Variants in GYPB observed in about 807,000 individuals in gnomAD.
GYPB encodes glycophorin B (MNS blood group), also known as glycophorin-B.
A neutral mutation model predicts 15.3 loss-of-function variants in GYPB; 13 were observed. That is an observed-to-expected ratio of 0.85 (90% CI 0.55 to 1.35). The LOEUF is 1.35. Ranked by LOEUF, GYPB falls within the 40% of genes most tolerant of loss-of-function variation. The pLI is 0.00. For synonymous variants in GYPB, 38 were observed against 36.9 expected (o/e 1.03, Z -0.11); for missense variants, 131 against 108.3 (o/e 1.21, Z -0.93).
intron 1 of GYPB, among the ~76,000 whole-genome samples, chr4:144,012,028 C>T (rs1373794554): frequency 6.6e-6 from 1 of 152,038 alleles, no homozygotes; most frequent in Admixed American, 6.5e-5. Flanking sequence ...TAAGTGATAA[C>T]ATCAAAAGGA....
chr4:144,009,601 CTTTTTTTTTTTTTT>C (rs55807150), intron 1 of GYPB, among the ~76,000 whole-genome samples: 1 of 57,782 alleles, frequency 1.7e-5, no homozygotes, highest in African/African-American at 8.1e-5. Context: ...TTTTTTCTTT[CTTTTTTTTTTTTTT>C]TTTTTTTTTT....
intron 1 of GYPB, among the ~76,000 whole-genome samples, chr4:144,015,510 G>C (rs1263124684): frequency 1.3e-5 from 2 of 151,202 alleles, no homozygotes; most frequent in Non-Finnish European, 2.9e-5. Flanking sequence ...AGATAACTTG[G>C]GGGAAATTCC....
chr4:144,018,142 C>T (rs1384258899), intron 1 of GYPB, among the ~76,000 whole-genome samples: 4 of 151,282 alleles, frequency 2.6e-5, no homozygotes, highest in Non-Finnish European at 5.9e-5. Context: ...TAAGTGTATT[C>T]CATTAAATAT....
intron 1 of GYPB, among the ~76,000 whole-genome samples, chr4:144,009,601 CTTTTTTTTTTTTTTTTTTTTT>C (rs55807150): frequency 3.5e-5 from 2 of 57,782 alleles, no homozygotes; most frequent in Admixed American, 6.5e-4. Flanking sequence ...TTTTTTCTTT[CTTTTTTTTTTTTTTTTTTTTT>C]TTTTTTTTTG....
chr4:144,009,694 A>T (rs1728115854), intron 1 of GYPB, among the ~76,000 whole-genome samples: 1 of 124,344 alleles, frequency 8.0e-6, no homozygotes. Context: ...GCTCACTGCA[A>T]ACTCCGCCTC....
chr4:144,008,727 C>T (rs1365641621), intron 1 of GYPB, among the ~76,000 whole-genome samples: 4 of 151,428 alleles, frequency 2.6e-5, no homozygotes, highest in Non-Finnish European at 4.4e-5. Context: ...AAAACTTTAT[C>T]CCAAAGTTCT....
rs569306829 is a variant in GYPB at position 143,996,222 on chromosome 4, C to G, written c.*77G>C. ...GGCATAAGCAAAGGAATAGCAGGTG[C>G]AGCCAGTTTGCATAAACAAGAGAAC... On this transcript the variant is annotated 3_prime_UTR_variant, in exon 5 of 5. Coordinates refer to ENST00000502664, the MANE Select transcript of GYPB (RefSeq NM_002100.6). 5.2e-6 allele frequency: 8 copies of G among 1,549,446 alleles called. No individual in the cohort carries two copies. The highest frequency in any genetic ancestry group is 7.0e-6 in the Non-Finnish European group (8 of 1,146,402).
intron 1 of GYPB, among the ~76,000 whole-genome samples, chr4:144,014,091 T>A (rs1728367380): frequency 6.6e-6 from 1 of 151,414 alleles, no homozygotes; most frequent in Non-Finnish European, 1.5e-5. Context: ...ATTAAAAAAA[T>A]GAAAAAGTAC....
In GYPB at chr4:143,997,599, T is replaced by TCA. The variant is rs868497201; in HGVS notation, c.209_210dup (p.Met71Ter). 3 of 1,597,120 alleles carry TCA rather than the reference T, an allele frequency of 1.9e-6. No homozygotes were observed. Among genetic ancestry groups the TCA allele is most frequent in the South Asian group, 2.2e-5 (2 of 90,714 alleles). On this transcript the variant is annotated frameshift_variant, in exon 4 of 5. Transcript: ENST00000502664. LOFTEE classifies it high-confidence loss of function. The stretch of plus-strand genomic sequence containing the variant: ...AGGATCGTTCCAATAATACCAGCCA[T>TCA]CACACACAAAATAATGAGTATTATC...
In GYPB at chr4:144,008,827, A is replaced by C. The variant is rs560699018; in HGVS notation, c.38-7544T>G. 3.5e-4 allele frequency among the ~76,000 whole-genome samples: 53 copies of C among 151,668 alleles called. 7 individuals are homozygous for C. Among genetic ancestry groups the C allele is most frequent in the African/African-American group, 1.3e-3 (53 of 40,926 alleles). The stretch of plus-strand genomic sequence containing the variant: ...TTCTCATCCTTGACTGCATGGTAGA[A>C]TCATCTGTGATATCCAGGCATTGGA... On this transcript the variant is annotated intron_variant, in intron 1 of 4. Transcript: ENST00000502664.
intron 1 of GYPB, chr4:144,012,457 G>A (rs980670136): frequency 6.6e-6 from 1 of 151,294 alleles, no homozygotes; most frequent in Admixed American, 6.6e-5. Context: ...TAATTTTTTT[G>A]CAAGAATGGA....
Position 143,996,110 on chromosome 4 carries a change from T to A in GYPB, c.*189A>T. ...CATGACTATAATACATGAAAACGGT[T>A]TGTATTTTGTTTTATTTTTATTTAG... On this transcript the variant is annotated 3_prime_UTR_variant, in exon 5 of 5. Coordinates refer to ENST00000502664, the MANE Select transcript of GYPB (RefSeq NM_002100.6). 7.1e-7 allele frequency: 1 copy of A among 1,401,644 alleles called. No homozygotes were observed. Among genetic ancestry groups the A allele is most frequent in the Non-Finnish European group, 9.4e-7 (1 of 1,058,284 alleles). 86.8% of individuals were successfully genotyped at this position (1,401,644 alleles called of 1,614,324 possible).
intron 3 of GYPB, among the ~76,000 whole-genome samples, chr4:143,997,858 T>G (rs1297294827): frequency 6.6e-6 from 1 of 151,338 alleles, no homozygotes; most frequent in East Asian, 1.9e-4. Context: ...GGTCGCAAAA[T>G]AGTTGATGAC....
intron 1 of GYPB, among the ~76,000 whole-genome samples, chr4:144,009,228 C>T (rs191008379): frequency 0.013 from 2,015 of 151,414 alleles, 147 homozygotes; most frequent in African/African-American, 0.047. Flanking sequence ...CCTGCAGCCT[C>T]ACAACCTGTT....
At chr4:144,002,645 T>A in intron 1 of GYPB, 1 of 1,285,122 alleles carries the variant, frequency 7.8e-7, no homozygotes, top group Non-Finnish European at 1.0e-6. Context: ...TGGAAGGGCT[T>A]CTTCTCAGAG....
intron 1 of GYPB, among the ~76,000 whole-genome samples, chr4:144,017,694 G>T (rs1483837680): frequency 1.3e-5 from 2 of 151,372 alleles, no homozygotes; most frequent in African/African-American, 4.9e-5. Flanking sequence ...TTTCCCAAAT[G>T]CTGGGCACAC....
chr4:144,004,514 A>G (rs1379773268), intron 1 of GYPB, among the ~76,000 whole-genome samples: 3 of 151,682 alleles, frequency 2.0e-5, no homozygotes, highest in African/African-American at 7.3e-5. Flanking sequence ...CTTTTAAATA[A>G]TTTGGTAGTT....
At chr4:143,999,620 T>C (rs771545683) in intron 2 of GYPB, among the ~76,000 whole-genome samples, 171 bp from the exon 3 acceptor site, 3 of 151,476 alleles carry the variant, frequency 2.0e-5, no homozygotes, top group Non-Finnish European at 4.4e-5. Context: ...TGTGTCAGTC[T>C]TACCATTAGT....
Position 143,997,610 on chromosome 4 carries a change from A to T in GYPB, c.200T>A (p.Ile67Asn), listed in dbSNP as rs1727393538. Residue 67 changes from isoleucine (I) to asparagine (N), a missense_variant, in exon 4 of 5, where the codon ATT becomes AAT. Coordinates refer to ENST00000502664, the MANE Select transcript of GYPB (RefSeq NM_002100.6). ...VPAPVVIILI[I>N]LCVMAGIIGT... ...AATAATACCAGCCATCACACACAAA[A>T]TAATGAGTATTATCACTACAGGAGC... 1 of 1,588,508 alleles carries T rather than the reference A, an allele frequency of 6.3e-7. No homozygotes were observed. The highest frequency in any genetic ancestry group is 1.7e-5 in the Admixed American group (1 of 59,916).
Sources: gnomAD v4.1 joint callset for allele counts (sites outside exome capture counted in the v4.1 genomes callset) on GRCh38, gnomAD v4.1.1 for gene constraint, MANE v1.5 for transcripts, NCBI Gene and HGNC (gene_info 2026-07-23, HGNC 2026-07-21) for gene names.